The following CNTN4 variants were observed in gnomAD, a reference collection of about 807,000 sequenced individuals.
The protein encoded by CNTN4 is contactin 4, also known as contactin-4.
In CNTN4, 77 loss-of-function variants were observed where a neutral mutation model predicts 122.5. The ratio of observed to expected loss-of-function variants is 0.63; its 90% CI spans 0.52 to 0.76. The LOEUF is 0.76. Among genes scored for constraint, CNTN4 ranks in the 30% least tolerant of loss-of-function variants. The pLI, the probability that CNTN4 is intolerant of heterozygous loss-of-function variation, is 0.00. For missense variants in CNTN4, 1,256 were observed against 1,259.1 expected (o/e 1.00, Z 0.04); for synonymous variants, 512 against 447.0 (o/e 1.15, Z -1.83).
intron 3 of CNTN4, among the ~76,000 whole-genome samples, chr3:2,526,686 T>C (rs2077408576): frequency 6.6e-6 from 1 of 152,282 alleles, no homozygotes; most frequent in Non-Finnish European, 1.5e-5. Flanking sequence ...CTTTCTCTTA[T>C]ATTCATGAAA....
rs527484915 is a variant in CNTN4, at chr3:2,682,587, A to T, written c.56-53628A>T. ...CTAGGCTAAAAACAAAGGCAATTTTAGGTAACAATACAGAAGCAAAGTGTA... is the reference window on the plus strand; with the variant it reads ...CTAGGCTAAAAACAAAGGCAATTTTTGGTAACAATACAGAAGCAAAGTGTA... On this transcript the variant is annotated intron_variant, in intron 4 of 24. Coordinates refer to ENST00000418658, the MANE Select transcript of CNTN4 (RefSeq NM_175607.3). 5.3e-5 allele frequency among the ~76,000 whole-genome samples: 8 copies of T among 152,312 alleles called. No individual in the cohort carries two copies. In the South Asian group the frequency reaches 1.7e-3, roughly 32 times the overall value.
Position 3,024,278 on chromosome 3 carries a change from T to C in CNTN4, c.1487-1824T>C, listed in dbSNP as rs912729931. Among the ~76,000 whole-genome samples the C allele has an allele frequency of 1.0e-3, 155 of 151,902 alleles. 2 individuals carry two copies. The highest frequency in any genetic ancestry group is 3.6e-3 in the African/African-American group (151 of 41,434). On this transcript the variant is annotated intron_variant, in intron 14 of 24. Transcript: ENST00000418658. ...ATCTGTTTCAGTCTTCATTTTTTCT[T>C]GAGGAAAATGTAAATTTAAAAACGT...
rs141312548 is a variant in CNTN4, at chr3:2,436,983, C to T, written c.-89+97750C>T. On this transcript the variant is annotated intron_variant, in intron 3 of 24. Transcript: ENST00000418658. The stretch of plus-strand genomic sequence containing the variant: ...GAATTGGCTAGTTGATTTTTCTGAT[C>T]GGTTTTTTTCTTTAGAGTATAGAAT... Among the ~76,000 whole-genome samples, 732 of 151,824 alleles carry T rather than the reference C, an allele frequency of 4.8e-3. 17 individuals are homozygous for T. The highest frequency in any genetic ancestry group is 0.021 in the East Asian group (106 of 5,168).
chr3:2,194,845 C>T (rs2037759259), intron 2 of CNTN4, among the ~76,000 whole-genome samples: 1 of 152,162 alleles, frequency 6.6e-6, no homozygotes, highest in Admixed American at 6.5e-5. Flanking sequence ...TTAGAGGGAG[C>T]ATGGCCCTGC....
intron 14 of CNTN4, among the ~76,000 whole-genome samples, chr3:3,018,970 C>T (rs73116688): frequency 5.7e-4 from 87 of 152,136 alleles, no homozygotes; most frequent in African/African-American, 2.1e-3. Flanking sequence ...TCCCAGTGGC[C>T]AAAATGGGGA....
Position 2,596,016 on chromosome 3 carries a change from A to G in CNTN4, c.55+24458A>G, listed in dbSNP as rs149145599. ...TTCTCTTCTAAGAGTTTATTAGATG[A>G]CATCATTCTCAAAGTCTAAATTTTG... On this transcript the variant is annotated intron_variant, in intron 4 of 24. Coordinates refer to ENST00000418658, the MANE Select transcript of CNTN4 (RefSeq NM_175607.3). Among the ~76,000 whole-genome samples the G allele has an allele frequency of 1.1e-3, 166 of 152,330 alleles. 1 individual carries two copies. The highest frequency in any genetic ancestry group is 3.4e-3 in the Middle Eastern group (1 of 294).
At chr3:2,166,752 AG>A (rs896658513) in intron 2 of CNTN4, among the ~76,000 whole-genome samples, 2 of 152,120 alleles carry the variant, frequency 1.3e-5, no homozygotes, top group Non-Finnish European at 2.9e-5. Context: ...TTGTTCCTGA[AG>A]GGGGAGCTCT....
In CNTN4 at chr3:2,916,707, G is replaced by C. The variant is rs558732153; in HGVS notation, c.1208-8922G>C. ...CGTCATCATGGCCCGTTCTCAATGA[G>C]CTGTTGGGTACACCTCCCAGACGGG... On this transcript the variant is annotated intron_variant, in intron 12 of 24. Transcript: ENST00000418658. Among the ~76,000 whole-genome samples the C allele has an allele frequency of 6.1e-4, 86 of 140,886 alleles. 2 individuals are homozygous for C. Among genetic ancestry groups the C allele is most frequent in the Non-Finnish European group, 1.0e-3 (68 of 65,674 alleles). 92.4% of individuals were successfully genotyped at this position (140,886 alleles called of 152,430 possible).
At chr3:2,431,511 G>C (rs1485007361) in intron 3 of CNTN4, among the ~76,000 whole-genome samples, 1 of 152,166 alleles carries the variant, frequency 6.6e-6, no homozygotes, top group South Asian at 2.1e-4. Context: ...TGATGCATTA[G>C]ACTGAATTTT....
At chr3:2,912,447 A>G (rs973731241) in intron 12 of CNTN4, among the ~76,000 whole-genome samples, 2 of 152,244 alleles carry the variant, frequency 1.3e-5, no homozygotes, top group African/African-American at 4.8e-5. Flanking sequence ...GGAGTCCTTC[A>G]AGTTGAAATG....
chr3:2,820,757 G>T (rs1453981772), intron 7 of CNTN4, among the ~76,000 whole-genome samples: 2 of 151,728 alleles, frequency 1.3e-5, no homozygotes, highest in Non-Finnish European at 2.9e-5. Context: ...TTGGGATGCA[G>T]ACCAAATATA....
chr3:2,722,355 A>G (rs1348195496), intron 4 of CNTN4, among the ~76,000 whole-genome samples: 2 of 152,192 alleles, frequency 1.3e-5, no homozygotes. Flanking sequence ...TACTTGTTGA[A>G]TGAATGAAAG....
At chr3:2,352,037 A>G (rs1296581915) in intron 3 of CNTN4, among the ~76,000 whole-genome samples, 2 of 152,200 alleles carry the variant, frequency 1.3e-5, no homozygotes, top group African/African-American at 2.4e-5. Context: ...TTTTACATAT[A>G]TCAAAACATC....
At chr3:2,903,124 A>C in intron 12 of CNTN4, 119 bp downstream of exon 12, 2 of 970,114 alleles carry the variant, frequency 2.1e-6, no homozygotes, top group Non-Finnish European at 3.1e-6. Flanking sequence ...TCTTTAGGCC[A>C]AAGATGCTAC....
In CNTN4 at chr3:3,007,288, G is replaced by A. The variant is rs1696753339; in HGVS notation, c.1487-18814G>A. Among the ~76,000 whole-genome samples the A allele has an allele frequency of 2.0e-5, 3 of 152,288 alleles. No homozygotes were observed. In the South Asian group the frequency reaches 6.2e-4, roughly 32 times the overall value. The stretch of plus-strand genomic sequence containing the variant: ...GAATTCTGTTTTCTGAAGGATGGTG[G>A]TGTGAGCACTGGAGTCTGTGATTGA... On this transcript the variant is annotated intron_variant, in intron 14 of 24. Transcript: ENST00000418658.
intron 3 of CNTN4, among the ~76,000 whole-genome samples, chr3:2,486,772 T>C (rs2151630495): frequency 6.6e-6 from 1 of 152,294 alleles, no homozygotes; most frequent in Non-Finnish European, 1.5e-5. Flanking sequence ...GGATTAGCCT[T>C]CATGTTTGAT....
chr3:2,365,272 C>T (rs1440824177), intron 3 of CNTN4, among the ~76,000 whole-genome samples: 21 of 152,098 alleles, frequency 1.4e-4, no homozygotes, highest in Admixed American at 1.4e-3. Flanking sequence ...TACGTTTAAC[C>T]TGCCTGAAAC....
intron 13 of CNTN4, among the ~76,000 whole-genome samples, chr3:2,968,280 T>C (rs556771631): frequency 6.6e-6 from 1 of 152,304 alleles, no homozygotes; most frequent in African/African-American, 2.4e-5. Flanking sequence ...GAATCTGTCA[T>C]TTTCTGCTTT....
intron 3 of CNTN4, among the ~76,000 whole-genome samples, chr3:2,473,794 C>G (rs2075762253): frequency 6.6e-6 from 1 of 152,078 alleles, no homozygotes; most frequent in South Asian, 2.1e-4. Flanking sequence ...GGGCGGATCA[C>G]TTGAGGTCTG....
Sources: gnomAD v4.1 joint callset for allele counts (sites outside exome capture counted in the v4.1 genomes callset) on GRCh38, gnomAD v4.1.1 for gene constraint, MANE v1.5 for transcripts, NCBI Gene and HGNC (gene_info 2026-07-23, HGNC 2026-07-21) for gene names.